TENM1: variants seen among roughly 807,000 people sequenced by gnomAD.
TENM1 encodes teneurin transmembrane protein 1.
TENM1 carries 35 observed loss-of-function variants against 174.8 expected under a neutral mutation model. The observed-to-expected ratio is 0.20, with a 90% CI of 0.15 to 0.27. TENM1 has a LOEUF of 0.27. TENM1 is among the 10% of genes least tolerant of loss of function. The pLI is 1.00. For missense variants in TENM1, 1,633 were observed against 2,130.1 expected, an observed-to-expected ratio of 0.77 and a Z score of 4.59; for synonymous variants, 781 against 798.7, an observed-to-expected ratio of 0.98 and a Z score of 0.37.
At chrX:125,175,325 C>A in the TENM1 span, among the ~76,000 whole-genome samples, 1 of 111,354 alleles carries the variant, frequency 9.0e-6, no homozygotes, top group East Asian at 2.8e-4. Context: ...AGAAGATTCT[C>A]ATGTGGTTTG....
the TENM1 span, among the ~76,000 whole-genome samples, chrX:125,127,038 C>T: frequency 9.0e-6 from 1 of 111,632 alleles, no homozygotes; most frequent in Non-Finnish European, 1.9e-5. Flanking sequence ...TATGAACTCT[C>T]ATTTGGCCAC....
chrX:124,990,599 G>A, the TENM1 span, among the ~76,000 whole-genome samples: 1 of 112,624 alleles, frequency 8.9e-6, no homozygotes, highest in Non-Finnish European at 1.9e-5. Flanking sequence ...AACTGCAGCT[G>A]GACACTGATT....
At chrX:124,729,703 T>C (rs2053520228) in intron 4 of TENM1, among the ~76,000 whole-genome samples, 1 of 112,039 alleles carries the variant, frequency 8.9e-6, no homozygotes, top group South Asian at 3.7e-4. Context: ...AGGGCATTGT[T>C]TTTCTGAATA....
At chrX:124,582,597 G>A (rs192932837) in intron 11 of TENM1, among the ~76,000 whole-genome samples, 63 of 112,190 alleles carry the variant, frequency 5.6e-4, no homozygotes, top group Non-Finnish European at 9.0e-4. Context: ...ACAGCTCCCA[G>A]CGTGAGCGAC....
intron 20 of TENM1, among the ~76,000 whole-genome samples, chrX:124,492,435 T>C (rs1238227387): frequency 9.0e-6 from 1 of 111,155 alleles, no homozygotes; most frequent in Non-Finnish European, 1.9e-5. Context: ...AAAGCAAATA[T>C]ATAAATCCAC....
At chrX:124,889,067 G>A (rs1051435998) in intron 3 of TENM1, among the ~76,000 whole-genome samples, 6 of 111,863 alleles carry the variant, frequency 5.4e-5, no homozygotes, top group African/African-American at 1.6e-4. Flanking sequence ...CATCCCTTGT[G>A]CTCTCAGAGC....
At chrX:124,651,669 A>G in intron 8 of TENM1, among the ~76,000 whole-genome samples, 1 of 111,805 alleles carries the variant, frequency 8.9e-6, no homozygotes, top group Middle Eastern at 4.6e-3. Flanking sequence ...GAGCACATAA[A>G]AAGATGTATG....
intron 11 of TENM1, among the ~76,000 whole-genome samples, chrX:124,615,961 T>TCA (rs200999346): frequency 2.1e-4 from 24 of 111,799 alleles, no homozygotes; most frequent in East Asian, 8.4e-4. Context: ...ACTGGTGGGG[T>TCA]CACACACACA....
intron 3 of TENM1, among the ~76,000 whole-genome samples, chrX:124,890,942 T>C (rs773245327): frequency 3.6e-5 from 4 of 111,990 alleles, no homozygotes; most frequent in African/African-American, 9.7e-5. Flanking sequence ...GTAGTACATA[T>C]ACATAATATA....
At chrX:124,440,737 T>C (rs953527344) in intron 23 of TENM1, among the ~76,000 whole-genome samples, 2 of 111,832 alleles carry the variant, frequency 1.8e-5, no homozygotes, top group Non-Finnish European at 3.8e-5. Context: ...AATGGATCTC[T>C]CATTTACAGG....
chrX:124,989,447 G>A, the TENM1 span, among the ~76,000 whole-genome samples: 1 of 110,972 alleles, frequency 9.0e-6, no homozygotes, highest in Admixed American at 9.6e-5. Flanking sequence ...ACATTAAGAG[G>A]TCAATTGTCC....
chrX:125,070,820 T>C, the TENM1 span, among the ~76,000 whole-genome samples: 1 of 111,467 alleles, frequency 9.0e-6, no homozygotes, highest in Admixed American at 9.5e-5. Flanking sequence ...AAATGGTTGC[T>C]TTTGAAGTTC....
chrX:124,892,120 T>TATCA (rs1374689294), intron 3 of TENM1, among the ~76,000 whole-genome samples: 4 of 111,919 alleles, frequency 3.6e-5, no homozygotes, highest in Non-Finnish European at 7.5e-5. Context: ...AAGTATCACC[T>TATCA]AGGTATTGAC....
At chrX:124,852,530 A>T (rs2056740673) in intron 3 of TENM1, among the ~76,000 whole-genome samples, 1 of 111,203 alleles carries the variant, frequency 9.0e-6, no homozygotes, top group Admixed American at 9.6e-5. Flanking sequence ...GAGACTGAGT[A>T]GATGTTGATG....
chrX:124,678,436 T>A (rs1168047639), intron 5 of TENM1, among the ~76,000 whole-genome samples: 1 of 111,499 alleles, frequency 9.0e-6, no homozygotes, highest in East Asian at 2.8e-4. Context: ...AAGGATACTT[T>A]GACATTTTCA....
At chrX:124,784,321 C>T (rs2054986948) in intron 3 of TENM1, among the ~76,000 whole-genome samples, 1 of 110,300 alleles carries the variant, frequency 9.1e-6, no homozygotes, top group African/African-American at 3.3e-5. Context: ...AATAGGCCCA[C>T]AGTAAACAGA....
intron 4 of TENM1, among the ~76,000 whole-genome samples, chrX:124,729,553 G>A (rs1220441048): frequency 8.9e-6 from 1 of 112,167 alleles, no homozygotes; most frequent in Non-Finnish European, 1.9e-5. Context: ...TTTCCGGGTT[G>A]CAAAAAACAC....
At chrX:125,042,448 A>G in the TENM1 span, among the ~76,000 whole-genome samples, 8 of 111,571 alleles carry the variant, frequency 7.2e-5, no homozygotes, top group Non-Finnish European at 1.1e-4. Flanking sequence ...CAAGAACACA[A>G]TCTTGAGACA....
At chrX:125,181,578 G>C in the TENM1 span, among the ~76,000 whole-genome samples, 1 of 111,526 alleles carries the variant, frequency 9.0e-6, no homozygotes, top group Non-Finnish European at 1.9e-5. Flanking sequence ...TTCCTGCTGC[G>C]GGTGTCCCAT....
Sources: gnomAD v4.1 joint callset for allele counts (sites outside exome capture counted in the v4.1 genomes callset) on GRCh38, gnomAD v4.1.1 for gene constraint, MANE v1.5 for transcripts, NCBI Gene and HGNC (gene_info 2026-07-23, HGNC 2026-07-21) for gene names.